GLIS3: variants seen among roughly 807,000 people sequenced by gnomAD.
GLIS3 encodes the protein zinc finger protein GLIS3.
A neutral mutation model predicts 78.6 loss-of-function variants in GLIS3; 53 were observed. That is an observed-to-expected ratio of 0.67 (90% CI 0.54 to 0.85). GLIS3 has a LOEUF of 0.85. Ranked by LOEUF, GLIS3 falls within the 40% of genes least tolerant of loss-of-function variation. The pLI is 0.00. For missense variants in GLIS3, 1,703 were observed against 1,231.1 expected (o/e 1.38, Z -5.74); for synonymous variants, 684 against 509.9 (o/e 1.34, Z -4.60).
intron 2 of GLIS3, among the ~76,000 whole-genome samples, chr9:4,143,423 C>T (rs1411345784): frequency 1.3e-5 from 2 of 151,842 alleles, no homozygotes; most frequent in African/African-American, 4.8e-5. Flanking sequence ...AAAAATTAGC[C>T]GGGCATGGTG....
chr9:4,193,501 G>A (rs570816970), intron 2 of GLIS3, among the ~76,000 whole-genome samples: 2 of 152,330 alleles, frequency 1.3e-5, no homozygotes, highest in African/African-American at 4.8e-5. Context: ...AGATCAGTAA[G>A]ATGGCTTCTG....
At chr9:4,468,180 G>A in the GLIS3 span, among the ~76,000 whole-genome samples, 8 of 152,268 alleles carry the variant, frequency 5.3e-5, no homozygotes, top group African/African-American at 1.7e-4. Context: ...GAAAGTGACG[G>A]GCAGAGTGGA....
intron 2 of GLIS3, among the ~76,000 whole-genome samples, chr9:4,222,657 G>A (rs1400760746): frequency 6.6e-6 from 1 of 152,198 alleles, no homozygotes; most frequent in Non-Finnish European, 1.5e-5. Flanking sequence ...GGATGTGAAG[G>A]TCAAAGAACA....
At chr9:3,828,485 C>A (rs1817852737) in intron 10 of GLIS3, 77 bp from the exon 11 acceptor site, 3 of 1,579,272 alleles carry the variant, frequency 1.9e-6, no homozygotes, top group South Asian at 1.1e-5. Flanking sequence ...TACAGTAATG[C>A]AGCTCACCAA....
At chr9:4,308,379 A>C (rs1444026935) in intron 4 of GLIS3, among the ~76,000 whole-genome samples, 1 of 152,130 alleles carries the variant, frequency 6.6e-6, no homozygotes, top group Non-Finnish European at 1.5e-5. Context: ...TGAAGGAGGA[A>C]GACAGGGTCA....
At chr9:4,259,274 T>G (rs1356325470) in intron 2 of GLIS3, among the ~76,000 whole-genome samples, 1 of 151,652 alleles carries the variant, frequency 6.6e-6, no homozygotes, top group Non-Finnish European at 1.5e-5. Context: ...TATTTATTTA[T>G]ATTTTCTAAG....
At chr9:4,248,006 CT>C (rs1451235554) in intron 2 of GLIS3, among the ~76,000 whole-genome samples, 4 of 152,168 alleles carry the variant, frequency 2.6e-5, no homozygotes, top group African/African-American at 9.6e-5. Context: ...AGCTGAAACT[CT>C]GTACCCTTGG....
At chr9:4,206,865 A>C (rs866747678) in intron 2 of GLIS3, among the ~76,000 whole-genome samples, 10 of 152,236 alleles carry the variant, frequency 6.6e-5, no homozygotes, top group Non-Finnish European at 1.5e-5. Context: ...TTCACAATTC[A>C]GTGTAGATAC....
At chr9:4,472,150 C>T in the GLIS3 span, among the ~76,000 whole-genome samples, 392 of 152,290 alleles carry the variant, frequency 2.6e-3, no homozygotes, top group African/African-American at 8.5e-3. Flanking sequence ...TGCTTTTACA[C>T]GGTTGGTGGG....
chr9:4,066,236 C>G (rs1365732896), intron 4 of GLIS3, among the ~76,000 whole-genome samples: 1 of 152,150 alleles, frequency 6.6e-6, no homozygotes, highest in Non-Finnish European at 1.5e-5. Context: ...GCGAAAGAGA[C>G]TCCAGCAGAT....
At chr9:4,007,221 C>G (rs1588439833) in intron 4 of GLIS3, among the ~76,000 whole-genome samples, 1 of 152,126 alleles carries the variant, frequency 6.6e-6, no homozygotes, top group African/African-American at 2.4e-5. Context: ...CCTCAGAAGC[C>G]CCTAAAATAG....
At chr9:3,894,628 TGAA>T (rs1239354780) in intron 7 of GLIS3, among the ~76,000 whole-genome samples, 1 of 152,148 alleles carries the variant, frequency 6.6e-6, no homozygotes, top group African/African-American at 2.4e-5. Flanking sequence ...GAGGGTAAAG[TGAA>T]GAGAATAACA....
At chr9:4,033,211 G>A (rs1402305511) in intron 4 of GLIS3, among the ~76,000 whole-genome samples, 1 of 152,064 alleles carries the variant, frequency 6.6e-6, no homozygotes, top group Non-Finnish European at 1.5e-5. Flanking sequence ...AGTGCTGGAA[G>A]AGCTTCCCAC....
At chr9:4,367,926 T>G in the GLIS3 span, among the ~76,000 whole-genome samples, 1 of 152,162 alleles carries the variant, frequency 6.6e-6, no homozygotes, top group Admixed American at 6.5e-5. Context: ...GAAAGTTAAG[T>G]TCAGAGAGGT....
intron 4 of GLIS3, among the ~76,000 whole-genome samples, chr9:3,941,425 G>A (rs1296233359): frequency 6.6e-6 from 1 of 151,590 alleles, no homozygotes; most frequent in East Asian, 1.9e-4. Flanking sequence ...TGTGCACATT[G>A]TGCAGGTTAG....
the GLIS3 span, among the ~76,000 whole-genome samples, chr9:4,397,651 GAAAAGGAAGGAA>G: frequency 8.4e-3 from 991 of 118,430 alleles, 15 homozygotes; most frequent in African/African-American, 0.029. Flanking sequence ...AAGGAAGGAA[GAAAAGGAAGGAA>G]GGAAGGGAGG....
At chr9:4,145,845 T>C (rs1057192566) in intron 2 of GLIS3, among the ~76,000 whole-genome samples, 4 of 151,998 alleles carry the variant, frequency 2.6e-5, no homozygotes, top group African/African-American at 9.7e-5. Context: ...GGGAAGTGCA[T>C]ACCCGCTCAG....
chr9:3,935,528 C>T (rs188147787), intron 5 of GLIS3, among the ~76,000 whole-genome samples: 1 of 152,076 alleles, frequency 6.6e-6, no homozygotes, highest in African/African-American at 2.4e-5. Flanking sequence ...AGTGCGAAAC[C>T]ATAACACTTA....
chr9:3,913,910 A>C (rs1824315462), intron 6 of GLIS3, among the ~76,000 whole-genome samples: 1 of 152,234 alleles, frequency 6.6e-6, no homozygotes, highest in South Asian at 2.1e-4. Flanking sequence ...ATGTGTGAAC[A>C]AGTAAATGAA....
Sources: gnomAD v4.1 joint callset for allele counts (sites outside exome capture counted in the v4.1 genomes callset) on GRCh38, gnomAD v4.1.1 for gene constraint, MANE v1.5 for transcripts, NCBI Gene and HGNC (gene_info 2026-07-23, HGNC 2026-07-21) for gene names.